HECTD2: variants seen among roughly 807,000 people sequenced by gnomAD.
HECTD2 encodes probable E3 ubiquitin-protein ligase HECTD2.
HECTD2 carries 35 observed loss-of-function variants against 103.2 expected under a neutral mutation model. The ratio of observed to expected loss-of-function variants is 0.34; its 90% confidence interval spans 0.26 to 0.45. HECTD2 has a LOEUF of 0.45. Among genes scored for constraint, HECTD2 ranks in the 20% least tolerant of loss-of-function variants. The pLI, the probability that HECTD2 is intolerant of heterozygous loss-of-function variation, is 1.00. For missense variants in HECTD2, 596 were observed against 937.4 expected, an observed-to-expected ratio of 0.64 and a Z score of 4.76; for synonymous variants, 281 against 329.9, an observed-to-expected ratio of 0.85 and a Z score of 1.61.
intron 20 of HECTD2, among the ~76,000 whole-genome samples, chr10:91,505,357 T>C (rs1350197105): frequency 6.6e-6 from 1 of 152,102 alleles, no homozygotes; most frequent in African/African-American, 2.4e-5. Context: ...GACCCATCAG[T>C]GTGCTGTATT....
intron 2 of HECTD2, among the ~76,000 whole-genome samples, chr10:91,436,645 A>C (rs1465812245): frequency 6.6e-6 from 1 of 152,008 alleles, no homozygotes; most frequent in Non-Finnish European, 1.5e-5. Flanking sequence ...AGGGATAGTC[A>C]TGTAGTGGCA....
At chr10:91,469,744 A>G (rs1330803130) in intron 5 of HECTD2, among the ~76,000 whole-genome samples, 1 of 152,020 alleles carries the variant, frequency 6.6e-6, no homozygotes, top group Non-Finnish European at 1.5e-5. Flanking sequence ...GGAATGTAAA[A>G]AGGCTAAATG....
rs1847469232 is a variant in HECTD2, at chr10:91,512,692, A to G, written c.*308A>G. 1 of 261,662 alleles carries G rather than the reference A, an allele frequency of 3.8e-6. No homozygotes were observed. Among genetic ancestry groups the G allele is most frequent in the Admixed American group, 4.7e-5 (1 of 21,232 alleles). The allele number at this position is 261,662 out of a possible 1,614,324, so 16.2% of individuals were successfully genotyped here. On this transcript the variant is annotated 3_prime_UTR_variant, in exon 21 of 21. Coordinates refer to ENST00000298068, the MANE Select transcript of HECTD2 (RefSeq NM_182765.6). Reference sequence around the variant, plus strand: ...TCACAGGCATTCCACTGGGAAAGCAAAGTACAGTGAAGAATGAATTTATGG... The same window carrying G: ...TCACAGGCATTCCACTGGGAAAGCAGAGTACAGTGAAGAATGAATTTATGG...
rs2133301190 is a variant in HECTD2 at position 91,487,527 on chromosome 10, A to T, written c.1095-155A>T. On this transcript the variant is annotated intron_variant, in intron 10 of 20. Coordinates refer to ENST00000298068, the MANE Select transcript of HECTD2 (RefSeq NM_182765.6). The surrounding 1 kb of genome is among the most constrained non-coding windows in gnomAD (Gnocchi z 4.1). ...CATTCTTCACATGGCTGTGAGAATT[A>T]AAAGAAATTATACACATACAATCAT... The T allele has an allele frequency of 2.9e-6, 2 of 686,518 alleles. No individual in the cohort carries two copies. The highest frequency in any genetic ancestry group is 1.5e-5 in the South Asian group (1 of 66,268). The allele number at this position is 686,518 out of a possible 1,614,324, so 42.5% of individuals were successfully genotyped here. A position where few individuals can be genotyped will look rare whatever the true frequency, so the allele number is the denominator to read the frequency against.
chr10:91,439,979 TG>T, intron 2 of HECTD2, among the ~76,000 whole-genome samples: 1 of 152,294 alleles, frequency 6.6e-6, no homozygotes, highest in African/African-American at 2.4e-5. Flanking sequence ...AAGGAGATTC[TG>T]GGCTGAGATG....
chr10:91,460,278 T>G, intron 2 of HECTD2, 149 bp from the exon 3 acceptor site: 1 of 667,260 alleles, frequency 1.5e-6, no homozygotes, highest in Non-Finnish European at 2.4e-6. Context: ...GTAAATGTCC[T>G]TCACTATGGT....
intron 2 of HECTD2, among the ~76,000 whole-genome samples, chr10:91,427,110 T>G (rs1170075321): frequency 6.7e-6 from 1 of 149,846 alleles, no homozygotes; most frequent in African/African-American, 2.5e-5. Flanking sequence ...GTTTGGTTTT[T>G]TGTCCTTGCG....
chr10:91,438,219 C>G (rs2133097595), intron 2 of HECTD2, among the ~76,000 whole-genome samples: 1 of 152,234 alleles, frequency 6.6e-6, no homozygotes, highest in African/African-American at 2.4e-5. Context: ...TCTCCTAATG[C>G]TATCCCTTCC....
chr10:91,500,400 GAGAAATCATGAC>G, intron 18 of HECTD2, 90 bp from the exon 19 acceptor site: 1 of 351,300 alleles, frequency 2.8e-6, no homozygotes. Flanking sequence ...GATTTACTAT[GAGAAATCATGAC>G]TTTTGTGATT....
chr10:91,454,558 G>A (rs980097127), intron 2 of HECTD2, among the ~76,000 whole-genome samples: 2 of 152,054 alleles, frequency 1.3e-5, no homozygotes, highest in Middle Eastern at 3.4e-3. Flanking sequence ...GCATACGTTA[G>A]AAAGGTGGAA....
At chr10:91,424,816 A>G (rs1017792090) in intron 1 of HECTD2, among the ~76,000 whole-genome samples, 10 of 152,066 alleles carry the variant, frequency 6.6e-5, no homozygotes, top group African/African-American at 1.9e-4. Flanking sequence ...TTTTACCTGA[A>G]CTTGTAAAGT....
chr10:91,514,477 C>T lies in HECTD2; in HGVS notation c.*2093C>T, dbSNP rs1210628242. ...TAAAAAATAAAAACCACTACTGTTA[C>T]ATTTTATTAATTTAAAAAGCTAGAA... On this transcript the variant is annotated 3_prime_UTR_variant, in exon 21 of 21. Transcript: ENST00000298068. 1 of 152,526 alleles carries T rather than the reference C, an allele frequency of 6.6e-6. No individual in the cohort carries two copies. Among genetic ancestry groups the T allele is most frequent in the East Asian group, 1.9e-4 (1 of 5,202 alleles). 9.4% of individuals were successfully genotyped at this position (152,526 alleles called of 1,614,324 possible).
intron 2 of HECTD2, among the ~76,000 whole-genome samples, chr10:91,445,176 G>A (rs1285810210): frequency 2.0e-5 from 3 of 152,112 alleles, no homozygotes; most frequent in Non-Finnish European, 4.4e-5. Flanking sequence ...AACTACACCC[G>A]ACAAAACAAA....
intron 20 of HECTD2, among the ~76,000 whole-genome samples, chr10:91,510,701 G>A (rs1847387963): frequency 6.6e-6 from 1 of 152,038 alleles, no homozygotes; most frequent in African/African-American, 2.4e-5. Flanking sequence ...GAGCACTTTA[G>A]AAAAAAATAT....
Position 91,487,711 on chromosome 10 carries a change from T to C in HECTD2, c.1124T>C (p.Ile375Thr). 6.2e-7 allele frequency: 1 copy of C among 1,612,552 alleles called. No individual in the cohort carries two copies. The highest frequency in any genetic ancestry group is 8.5e-7 in the Non-Finnish European group (1 of 1,178,796). The change falls in exon 11 of 21, where the codon ATT becomes ACT. Residue 375 changes from isoleucine to threonine, a missense_variant. Ile to Thr is a moderately conservative substitution (Grantham distance 89). Coordinates refer to ENST00000298068, the MANE Select transcript of HECTD2 (RefSeq NM_182765.6). The surrounding 1 kb of genome is among the most constrained non-coding windows in gnomAD (Gnocchi z 4.1). ...RFSFCQYPFV[I>T]SVAAKKIIIQ... is the part of the protein sequence containing the mutation. ...TCCTTCTGTCAGTACCCATTCGTTA[T>C]TTCTGTAGCTGCAAAAAAAATCATT... is the stretch of plus-strand genomic sequence containing the variant.
At chr10:91,452,427 G>A (rs546085593) in intron 2 of HECTD2, among the ~76,000 whole-genome samples, 1 of 152,206 alleles carries the variant, frequency 6.6e-6, no homozygotes, top group African/African-American at 2.4e-5. Flanking sequence ...TGCAGTTTGA[G>A]TATTTATTTC....
chr10:91,456,808 G>A (rs368042968), intron 2 of HECTD2, among the ~76,000 whole-genome samples: 19 of 152,124 alleles, frequency 1.2e-4, no homozygotes, highest in African/African-American at 4.6e-4. Context: ...CGTAGGAAAA[G>A]AAGAGAAAAT....
In HECTD2 at chr10:91,421,512, C is replaced by CA. The variant is rs573021234; in HGVS notation, c.139-3761dup. 2.5e-3 allele frequency among the ~76,000 whole-genome samples: 385 copies of CA among 152,018 alleles called. 2 individuals are homozygous for CA. The highest frequency in any genetic ancestry group is 8.5e-3 in the African/African-American group (352 of 41,484). On this transcript the variant is annotated intron_variant, in intron 1 of 20. Coordinates refer to ENST00000298068, the MANE Select transcript of HECTD2 (RefSeq NM_182765.6). The stretch of plus-strand genomic sequence containing the variant: ...CTGATGAGCTAAAAAGAAAAAATCA[C>CA]AAAAAAAATTTATAATGTTTTAAGA...
At chr10:91,475,325 A>G (rs1275757701) in intron 5 of HECTD2, among the ~76,000 whole-genome samples, 2 of 152,226 alleles carry the variant, frequency 1.3e-5, no homozygotes, top group East Asian at 1.9e-4. Flanking sequence ...CTTCCAGTAC[A>G]TTGGATGTGG....
Sources: gnomAD v4.1 joint callset for allele counts (sites outside exome capture counted in the v4.1 genomes callset) on GRCh38, gnomAD v4.1.1 for gene constraint, Gnocchi (gnomAD v3.1) non-coding constraint, MANE v1.5 for transcripts, NCBI Gene and HGNC (gene_info 2026-07-23, HGNC 2026-07-21) for gene names.